Variants in MRPS6 observed in about 807,000 individuals in gnomAD.
The protein encoded by MRPS6 is mitochondrial ribosomal protein S6.
In MRPS6, 6 loss-of-function variants were observed where a neutral mutation model predicts 13.1. The ratio of observed to expected loss-of-function variants is 0.46; its 90% CI spans 0.25 to 0.91. MRPS6 has a LOEUF of 0.91. MRPS6 is among the 40% of genes least tolerant of loss of function. MRPS6 has a pLI of 0.18. For missense variants in MRPS6, 164 were observed against 155.6 expected (o/e 1.05, Z -0.29); for synonymous variants, 61 against 56.5 (o/e 1.08, Z -0.36).
chr21:34,110,262 G>A (rs190066173), intron 1 of MRPS6, among the ~76,000 whole-genome samples: 1 of 152,230 alleles, frequency 6.6e-6, no homozygotes, highest in East Asian at 1.9e-4. Flanking sequence ...CCAGGAGTTC[G>A]AGACCAGCTT....
chr21:34,107,104 G>A (rs1370290850), intron 1 of MRPS6, among the ~76,000 whole-genome samples: 2 of 152,094 alleles, frequency 1.3e-5, no homozygotes, highest in East Asian at 3.9e-4. Flanking sequence ...GCTAATTTTT[G>A]TACTTTTAGT....
At chr21:34,140,384 G>A (rs988385185) in intron 2 of MRPS6, among the ~76,000 whole-genome samples, 2 of 152,116 alleles carry the variant, frequency 1.3e-5, no homozygotes, top group South Asian at 2.1e-4. Context: ...TGTTTGTCCA[G>A]CTTATTTAGA....
At chr21:34,127,577 A>G (rs1207553191) in intron 2 of MRPS6, among the ~76,000 whole-genome samples, 1 of 152,236 alleles carries the variant, frequency 6.6e-6, no homozygotes, top group Non-Finnish European at 1.5e-5. Context: ...CTTTTGGGAA[A>G]TGAGGATGTG....
chr21:34,120,197 G>A (rs1030529187), intron 1 of MRPS6, among the ~76,000 whole-genome samples: 7 of 152,164 alleles, frequency 4.6e-5, no homozygotes, highest in Non-Finnish European at 8.8e-5. Context: ...AGTGGTACCA[G>A]AGTAGTATTT....
chr21:34,141,889 C>G (rs117351607), intron 2 of MRPS6, among the ~76,000 whole-genome samples: 120 of 152,230 alleles, frequency 7.9e-4, no homozygotes, highest in Non-Finnish European at 1.5e-3. Context: ...GTTCCTTGTC[C>G]GTATTGAACA....
At chr21:34,076,675 G>A (rs1225289194) in intron 1 of MRPS6, among the ~76,000 whole-genome samples, 1 of 152,190 alleles carries the variant, frequency 6.6e-6, no homozygotes, top group South Asian at 2.1e-4. Flanking sequence ...CTGTTTTAGC[G>A]TGAAAAGTAG....
chr21:34,102,578 A>T (rs1384827184), intron 1 of MRPS6: 1 of 1,000,002 alleles, frequency 1.0e-6, no homozygotes, highest in Non-Finnish European at 1.2e-6. Context: ...TACCATACAT[A>T]GTCTGAGGCT....
At chr21:34,092,139 T>A (rs992703057) in intron 1 of MRPS6, among the ~76,000 whole-genome samples, 1 of 150,834 alleles carries the variant, frequency 6.6e-6, no homozygotes, top group African/African-American at 2.4e-5. Context: ...TATATATATA[T>A]AACATACTGT....
chr21:34,115,217 T>C (rs796535771), intron 1 of MRPS6, among the ~76,000 whole-genome samples: 38 of 152,336 alleles, frequency 2.5e-4, no homozygotes, highest in African/African-American at 8.4e-4. Context: ...GCTCCTGTTT[T>C]CTTTTTAACC....
At chr21:34,079,865 A>T (rs1200426560) in intron 1 of MRPS6, among the ~76,000 whole-genome samples, 1 of 151,936 alleles carries the variant, frequency 6.6e-6, no homozygotes, top group Non-Finnish European at 1.5e-5. Context: ...TGGCACTGCA[A>T]ACTCAGTGTG....
At chr21:34,074,004 C>A (rs1346330455) in intron 1 of MRPS6, among the ~76,000 whole-genome samples, 1 of 145,892 alleles carries the variant, frequency 6.9e-6, no homozygotes, top group East Asian at 2.0e-4. Flanking sequence ...GCAAGCGGCC[C>A]GCCGGGCGGG....
chr21:34,102,747 T>C (rs564244820), intron 1 of MRPS6: 1 of 1,000,180 alleles, frequency 1.0e-6, no homozygotes, highest in African/African-American at 1.7e-5. Flanking sequence ...TTTCGTAGTG[T>C]GGGAACAGTG....
intron 1 of MRPS6, among the ~76,000 whole-genome samples, chr21:34,115,185 C>T (rs1297265097): frequency 6.6e-6 from 1 of 152,228 alleles, no homozygotes; most frequent in Non-Finnish European, 1.5e-5. Context: ...AGATCAGTTA[C>T]TGGACCAGTC....
At chr21:34,099,983 A>G (rs1569418110) in intron 1 of MRPS6, 3 of 542,126 alleles carry the variant, frequency 5.5e-6, no homozygotes, top group Non-Finnish European at 4.9e-6. Context: ...TGGAATGATC[A>G]TACATGGACT....
At chr21:34,105,259 C>G in intron 1 of MRPS6, 3 of 1,000,176 alleles carry the variant, frequency 3.0e-6, no homozygotes, top group Non-Finnish European at 3.6e-6. Flanking sequence ...TTTGTCCAGA[C>G]CCATGTTGGC....
At chr21:34,074,387 G>T (rs1035205254) in intron 1 of MRPS6, among the ~76,000 whole-genome samples, 20 of 152,238 alleles carry the variant, frequency 1.3e-4, no homozygotes, top group African/African-American at 4.8e-4. Context: ...CGCTCCGGGT[G>T]CCCTTAGCCC....
rs922821381 is a variant in MRPS6 at position 34,104,279 on chromosome 21, C to T, written c.46-21062C>T. ...AGGATTCTTTCACTTGTCCCATTAACCCTCTTCTAGTCTAGATGAGATGAA... is the reference window on the plus strand; with the variant it reads ...AGGATTCTTTCACTTGTCCCATTAATCCTCTTCTAGTCTAGATGAGATGAA... On this transcript the variant is annotated intron_variant, in intron 1 of 2. Transcript: ENST00000399312. 21 of 1,000,070 alleles carry T rather than the reference C, an allele frequency of 2.1e-5. No homozygotes were observed. The East Asian group carries it at 2.0e-3, about 97-fold the overall frequency. The allele number at this position is 1,000,070 out of a possible 1,614,324, so 61.9% of individuals were successfully genotyped here.
chr21:34,094,238 C>T (rs921097561), intron 1 of MRPS6, among the ~76,000 whole-genome samples: 6 of 152,078 alleles, frequency 3.9e-5, no homozygotes, highest in African/African-American at 1.4e-4. Context: ...GGGCAGGGGG[C>T]GTCTCACAAG....
chr21:34,098,737 G>A (rs1212137884), intron 1 of MRPS6: 1 of 1,000,136 alleles, frequency 1.0e-6, no homozygotes, highest in Non-Finnish European at 1.2e-6. Flanking sequence ...GACATGGCTT[G>A]GCACCCACTT....
Sources: allele counts gnomAD v4.1 joint callset (sites outside exome capture counted in the v4.1 genomes callset), GRCh38; gene constraint gnomAD v4.1.1; transcripts MANE v1.5; gene names NCBI Gene and HGNC (gene_info 2026-07-23, HGNC 2026-07-21).